The following CAMK4 variants were observed in gnomAD, a reference collection of about 807,000 sequenced individuals.
CAMK4 encodes calcium/calmodulin-dependent protein kinase type IV.
A neutral mutation model predicts 44.9 loss-of-function variants in CAMK4; 22 were observed. That is an observed-to-expected ratio of 0.49 (90% CI 0.35 to 0.70). CAMK4 has a LOEUF of 0.70. Ranked by LOEUF, CAMK4 falls within the 30% of genes least tolerant of loss-of-function variation. CAMK4 has a pLI of 0.01. For missense variants in CAMK4, 498 were observed against 586.8 expected (o/e 0.85, Z 1.56); for synonymous variants, 218 against 215.4 (o/e 1.01, Z -0.11).
intron 7 of CAMK4, among the ~76,000 whole-genome samples, chr5:111,459,686 C>CTTTTTTTTTTTTTTTTTTTT (rs56176713): frequency 1.0e-4 from 9 of 86,688 alleles, no homozygotes; most frequent in African/African-American, 4.5e-4. Flanking sequence ...TAGAGACAGT[C>CTTTTTTTTTTTTTTTTTTTT]TTTTTTTTTT....
At chr5:111,348,871 C>G (rs184498473) in intron 2 of CAMK4, among the ~76,000 whole-genome samples, 1 of 152,114 alleles carries the variant, frequency 6.6e-6, no homozygotes, top group East Asian at 1.9e-4. Flanking sequence ...AGATCTTGCA[C>G]TCTCTAAATG....
intron 1 of CAMK4, among the ~76,000 whole-genome samples, chr5:111,288,558 T>C (rs573517995): frequency 7.0e-4 from 106 of 152,342 alleles, no homozygotes; most frequent in African/African-American, 2.4e-3. Context: ...GGCCTGTTTG[T>C]TATTTCCTCT....
intron 1 of CAMK4, among the ~76,000 whole-genome samples, chr5:111,331,937 T>G (rs917697244): frequency 8.6e-5 from 13 of 151,804 alleles, no homozygotes; most frequent in African/African-American, 2.7e-4. Context: ...CATCCTTATA[T>G]TCCCATAAAG....
chr5:111,284,735 T>C (rs1751173882), intron 1 of CAMK4, among the ~76,000 whole-genome samples: 1 of 152,218 alleles, frequency 6.6e-6, no homozygotes, highest in South Asian at 2.1e-4. Context: ...CCTGATGTTA[T>C]TTTTGCTAAT....
rs530321359 is a variant in CAMK4 at position 111,392,645 on chromosome 5, A to G, written c.387-2065A>G. 2.0e-5 allele frequency among the ~76,000 whole-genome samples: 3 copies of G among 152,322 alleles called. No individual in the cohort carries two copies. The South Asian group carries it at 6.2e-4, about 32-fold the overall frequency. On this transcript the variant is annotated intron_variant, in intron 4 of 10. Coordinates refer to ENST00000282356, the MANE Select transcript of CAMK4 (RefSeq NM_001744.6). ...AAAATGGACCACATAGTAAAAACAT[A>G]TATAAAACATTTTGTACATATTAAC...
intron 4 of CAMK4, among the ~76,000 whole-genome samples, chr5:111,391,335 T>C (rs1046859910): frequency 1.3e-5 from 2 of 152,080 alleles, no homozygotes; most frequent in African/African-American, 4.8e-5. Flanking sequence ...TCCTGAACTA[T>C]CACTCTGTCA....
intron 1 of CAMK4, among the ~76,000 whole-genome samples, chr5:111,229,869 T>C (rs951401571): frequency 3.3e-5 from 5 of 152,204 alleles, no homozygotes; most frequent in African/African-American, 1.2e-4. Flanking sequence ...TGGGGCTTCA[T>C]AGGGTCTTCC....
chr5:111,313,968 T>G (rs1490046062), intron 1 of CAMK4, among the ~76,000 whole-genome samples: 1 of 152,138 alleles, frequency 6.6e-6, no homozygotes, highest in Non-Finnish European at 1.5e-5. Context: ...TATCGAATTA[T>G]AGGAGTAGAA....
intron 1 of CAMK4, among the ~76,000 whole-genome samples, chr5:111,233,848 T>G (rs1191431637): frequency 2.6e-5 from 4 of 152,184 alleles, no homozygotes; most frequent in Non-Finnish European, 5.9e-5. Context: ...TTGAATAGAG[T>G]TAAATTAAAT....
rs894982713 is a variant in CAMK4, at chr5:111,332,673, A to T, written c.162-11351A>T. 2.6e-5 allele frequency among the ~76,000 whole-genome samples: 4 copies of T among 151,622 alleles called. No individual in the cohort carries two copies. In the East Asian group the frequency reaches 7.8e-4, roughly 30 times the overall value. On this transcript the variant is annotated intron_variant, in intron 1 of 10. Coordinates refer to ENST00000282356, the MANE Select transcript of CAMK4 (RefSeq NM_001744.6). Reference sequence around the variant, plus strand: ...CTTGATGCTATTTGAGAATGCAAGCATAAAGATGCAGGGTGAGATTTCTGT... The same window carrying T: ...CTTGATGCTATTTGAGAATGCAAGCTTAAAGATGCAGGGTGAGATTTCTGT...
chr5:111,405,485 A>G (rs528544380), intron 5 of CAMK4, among the ~76,000 whole-genome samples: 1 of 152,278 alleles, frequency 6.6e-6, no homozygotes, highest in East Asian at 1.9e-4. Flanking sequence ...ACAAAACAAA[A>G]AAAAAGACGA....
chr5:111,408,944 T>G (rs1752534142), intron 5 of CAMK4, among the ~76,000 whole-genome samples: 1 of 152,182 alleles, frequency 6.6e-6, no homozygotes. Context: ...TGGGCTCCCA[T>G]GGGCATGGGA....
chr5:111,259,289 G>A (rs531012408), intron 1 of CAMK4, among the ~76,000 whole-genome samples: 4 of 152,284 alleles, frequency 2.6e-5, no homozygotes, highest in Non-Finnish European at 5.9e-5. Context: ...CAACTTAAGA[G>A]TCTCTAAATA....
chr5:111,310,013 A>G (rs1255612883), intron 1 of CAMK4, among the ~76,000 whole-genome samples: 1 of 152,172 alleles, frequency 6.6e-6, no homozygotes, highest in Admixed American at 6.5e-5. Context: ...TCAGGCTTCT[A>G]TGTCCTCTTT....
At chr5:111,246,941 C>G (rs1037888462) in intron 1 of CAMK4, among the ~76,000 whole-genome samples, 1 of 152,086 alleles carries the variant, frequency 6.6e-6, no homozygotes, top group African/African-American at 2.4e-5. Flanking sequence ...GCATACAGCT[C>G]CTGGTATCTC....
chr5:111,461,602 C>T (rs1380669606), intron 7 of CAMK4, among the ~76,000 whole-genome samples: 1 of 151,986 alleles, frequency 6.6e-6, no homozygotes, highest in African/African-American at 2.4e-5. Flanking sequence ...CTCTGGGTTC[C>T]TAGGCCAAGC....
At chr5:111,477,046 G>A (rs560154404) in intron 8 of CAMK4, among the ~76,000 whole-genome samples, 9 of 152,324 alleles carry the variant, frequency 5.9e-5, no homozygotes, top group East Asian at 1.9e-4. Context: ...ACAGGCCATA[G>A]GTTTCTAGTG....
intron 1 of CAMK4, among the ~76,000 whole-genome samples, chr5:111,278,103 C>T (rs1750851910): frequency 1.3e-5 from 2 of 152,174 alleles, no homozygotes; most frequent in South Asian, 4.1e-4. Flanking sequence ...TAGGGCATTC[C>T]TCTGTATGCG....
chr5:111,375,250 C>T (rs1465420553), intron 3 of CAMK4, among the ~76,000 whole-genome samples: 1 of 152,142 alleles, frequency 6.6e-6, no homozygotes, highest in Non-Finnish European at 1.5e-5. Context: ...TTTTCCATTA[C>T]TGAAAAAGCC....
Sources: gnomAD v4.1 joint callset for allele counts (sites outside exome capture counted in the v4.1 genomes callset) on GRCh38, gnomAD v4.1.1 for gene constraint, MANE v1.5 for transcripts, NCBI Gene and HGNC (gene_info 2026-07-23, HGNC 2026-07-21) for gene names.